Variants in VSIG1 observed in about 807,000 individuals in gnomAD.
VSIG1 encodes the protein V-set and immunoglobulin domain containing 1, also known as V-set and immunoglobulin domain-containing protein 1.
A neutral mutation model predicts 20.1 loss-of-function variants in VSIG1; 11 were observed. The observed-to-expected ratio is 0.55, with a 90% CI of 0.34 to 0.91. The LOEUF is 0.91. Among genes scored for constraint, VSIG1 ranks in the 40% least tolerant of loss-of-function variants. The pLI is 0.02. For synonymous variants in VSIG1, 126 were observed against 116.7 expected, an observed-to-expected ratio of 1.08 and a Z score of -0.52; for missense variants, 283 against 298.8, an observed-to-expected ratio of 0.95 and a Z score of 0.39.
the VSIG1 span, among the ~76,000 whole-genome samples, chrX:108,035,401 A>G: frequency 4.8e-3 from 535 of 111,118 alleles, 5 homozygotes; most frequent in African/African-American, 0.016. Context: ...TTTTTTAAAG[A>G]TATTTACAAT....
At chrX:108,065,912 G>T (rs1226315634) in intron 2 of VSIG1, among the ~76,000 whole-genome samples, 4 of 111,558 alleles carry the variant, frequency 3.6e-5, no homozygotes, top group Non-Finnish European at 5.6e-5. Flanking sequence ...AGGTTGGAGA[G>T]ATTAAATAAC....
At chrX:108,054,475 A>T (rs1008990090) in intron 1 of VSIG1, among the ~76,000 whole-genome samples, 1 of 111,764 alleles carries the variant, frequency 8.9e-6, no homozygotes, top group Admixed American at 9.5e-5. Context: ...GTTTTAAATT[A>T]TATCTCTTTG....
intron 1 of VSIG1, 106 bp from the exon 2 acceptor site, chrX:108,057,932 C>T: frequency 1.2e-6 from 1 of 805,826 alleles, no homozygotes; most frequent in South Asian, 3.3e-5. Context: ...TTCTTCCCCT[C>T]ACCTTGGATT....
chrX:108,046,761 G>T (rs763484545), intron 1 of VSIG1, among the ~76,000 whole-genome samples: 1 of 111,374 alleles, frequency 9.0e-6, no homozygotes, highest in East Asian at 2.8e-4. Context: ...TTTATTCCTT[G>T]TATACTTTTT....
chrX:108,056,889 G>A (rs1281232776), intron 1 of VSIG1, among the ~76,000 whole-genome samples: 1 of 111,961 alleles, frequency 8.9e-6, no homozygotes, highest in Non-Finnish European at 1.9e-5. Context: ...TTGCACTGTT[G>A]GGCATTTGTG....
intron 3 of VSIG1, among the ~76,000 whole-genome samples, chrX:108,071,113 T>A (rs1056713732): frequency 8.9e-6 from 1 of 111,813 alleles, no homozygotes; most frequent in Non-Finnish European, 1.9e-5. Context: ...CCTATACAGA[T>A]CCAGGGTAGA....
At chrX:108,075,540 C>T (rs1455905456) in intron 5 of VSIG1, among the ~76,000 whole-genome samples, 1 of 111,504 alleles carries the variant, frequency 9.0e-6, no homozygotes, top group African/African-American at 3.3e-5. Flanking sequence ...AGAGACAACA[C>T]CTCAGGGCTT....
the VSIG1 span, among the ~76,000 whole-genome samples, chrX:108,027,069 T>C: frequency 6.3e-5 from 7 of 111,467 alleles, no homozygotes; most frequent in African/African-American, 2.3e-4. Context: ...TCATATATTA[T>C]TGGTGGGAAT....
chrX:108,057,565 A>G (rs2147924248), intron 1 of VSIG1, among the ~76,000 whole-genome samples: 1 of 112,175 alleles, frequency 8.9e-6, no homozygotes, highest in South Asian at 3.7e-4. Flanking sequence ...ATCTACAAAT[A>G]TATAAATAAA....
intron 3 of VSIG1, 32 bp from the exon 4 acceptor site, chrX:108,072,645 A>G: frequency 1.7e-6 from 2 of 1,187,936 alleles, no homozygotes; most frequent in Non-Finnish European, 1.1e-6. Flanking sequence ...ATTCATCCTA[A>G]AGAATTTTTA....
chrX:108,025,620 G>T, the VSIG1 span, among the ~76,000 whole-genome samples: 3 of 112,672 alleles, frequency 2.7e-5, no homozygotes, highest in Non-Finnish European at 5.6e-5. Context: ...AGCTGGGTGT[G>T]ACTGTGGGTG....
chrX:108,062,050 T>C (rs2031038560), intron 2 of VSIG1, among the ~76,000 whole-genome samples: 1 of 110,161 alleles, frequency 9.1e-6, no homozygotes, highest in African/African-American at 3.3e-5. Context: ...AGCTGAAAAC[T>C]CTAGGCCAGG....
chrX:108,024,045 G>A, the VSIG1 span, among the ~76,000 whole-genome samples: 5 of 111,493 alleles, frequency 4.5e-5, no homozygotes, highest in Non-Finnish European at 9.4e-5. Flanking sequence ...TGATAACTTG[G>A]CCATTAGTTT....
intron 1 of VSIG1, among the ~76,000 whole-genome samples, chrX:108,055,524 A>AAT (rs1403528158): frequency 8.9e-6 from 1 of 111,742 alleles, no homozygotes. Flanking sequence ...ACTACAGGCC[A>AAT]ATATCTCTCT....
At chrX:108,064,617 GC>G (rs754530975) in intron 2 of VSIG1, 10 of 353,127 alleles carry the variant, frequency 2.8e-5, no homozygotes, top group Non-Finnish European at 3.6e-5. Context: ...TCTGGGACTT[GC>G]TGTGGGCCTC....
At chrX:108,046,859 G>T (rs1405362367) in intron 1 of VSIG1, among the ~76,000 whole-genome samples, 1 of 110,017 alleles carries the variant, frequency 9.1e-6, no homozygotes, top group Non-Finnish European at 1.9e-5. Flanking sequence ...TTCAGAGTGT[G>T]TTTCCTAAGT....
chrX:108,048,553 T>C (rs981558071), intron 1 of VSIG1, among the ~76,000 whole-genome samples: 16 of 112,365 alleles, frequency 1.4e-4, no homozygotes, highest in Admixed American at 3.8e-4. Flanking sequence ...ATACTAATCT[T>C]TACTTTGCTA....
rs767038110 is a variant in VSIG1 at position 108,063,032 on chromosome X, G to A, written c.214-3904G>A. 3.4e-4 allele frequency among the ~76,000 whole-genome samples: 38 copies of A among 112,335 alleles called. No homozygotes were observed. In the South Asian group the frequency reaches 0.014, roughly 41 times the overall value. On this transcript the variant is annotated intron_variant, in intron 2 of 6. Transcript: ENST00000217957. ...GAAAAAGTCTTTTAGGACAAATCTGGTTCCCAGCTGCACGGCCTTGTGTGA... is the reference window on the plus strand; with the variant it reads ...GAAAAAGTCTTTTAGGACAAATCTGATTCCCAGCTGCACGGCCTTGTGTGA...
At chrX:108,047,879 T>TATATACACAC (rs1569287179) in intron 1 of VSIG1, among the ~76,000 whole-genome samples, 2 of 36,210 alleles carry the variant, frequency 5.5e-5, no homozygotes, top group Non-Finnish European at 9.8e-5. Flanking sequence ...TACACATATA[T>TATATACACAC]ATATATACAC....
Sources: allele counts gnomAD v4.1 joint callset (sites outside exome capture counted in the v4.1 genomes callset), GRCh38; gene constraint gnomAD v4.1.1; transcripts MANE v1.5; gene names NCBI Gene and HGNC (gene_info 2026-07-23, HGNC 2026-07-21).